The following SYK variants were observed in gnomAD, a reference collection of about 807,000 sequenced individuals.
The protein encoded by SYK is tyrosine-protein kinase SYK.
In SYK, 16 loss-of-function variants were observed where a neutral mutation model predicts 77.8. The observed-to-expected ratio is 0.21, with a 90% CI of 0.14 to 0.31. The LOEUF (loss-of-function observed/expected upper bound fraction) is 0.31, where lower values mean the gene tolerates loss of function less well. Ranked by LOEUF, SYK falls within the 10% of genes least tolerant of loss-of-function variation. The pLI is 1.00. For synonymous variants in SYK, 312 were observed against 308.7 expected, an observed-to-expected ratio of 1.01 and a Z score of -0.11; for missense variants, 529 against 814.4, an observed-to-expected ratio of 0.65 and a Z score of 4.26.
intron 1 of SYK, among the ~76,000 whole-genome samples, chr9:90,841,335 A>T (rs1826315564): frequency 1.1e-5 from 1 of 91,860 alleles, no homozygotes; most frequent in African/African-American, 3.8e-5. Flanking sequence ...TGTTGTGTGT[A>T]CTGTGTATGT....
intron 1 of SYK, among the ~76,000 whole-genome samples, chr9:90,809,682 C>T (rs901076914): frequency 2.6e-5 from 4 of 152,216 alleles, no homozygotes; most frequent in African/African-American, 9.6e-5. Context: ...TTTATGCATG[C>T]CTTCCTTCCA....
intron 11 of SYK, among the ~76,000 whole-genome samples, chr9:90,882,979 G>A (rs1009930742): frequency 1.4e-4 from 22 of 152,258 alleles, no homozygotes; most frequent in Non-Finnish European, 2.5e-4. Flanking sequence ...AACATAGGGA[G>A]CTGCCTAGGG....
chr9:90,867,490 T>G (rs1212522587), intron 7 of SYK, among the ~76,000 whole-genome samples: 1 of 152,228 alleles, frequency 6.6e-6, no homozygotes, highest in East Asian at 1.9e-4. Flanking sequence ...TCATCCGTCA[T>G]AGCTAATTAT....
chr9:90,839,855 C>T (rs193073203), intron 1 of SYK, among the ~76,000 whole-genome samples: 186 of 152,204 alleles, frequency 1.2e-3, no homozygotes, highest in African/African-American at 4.2e-3. Flanking sequence ...GAGCTGCACG[C>T]CTCAGCAGAA....
At position 90,803,215 on chromosome 9, in the gene SYK, G is replaced by T. The variant is rs77518660; in HGVS notation, c.-42+1322G>T. Among the ~76,000 whole-genome samples the T allele has an allele frequency of 9.7e-3, 1,484 of 152,244 alleles. 27 individuals are homozygous for T. The highest frequency in any genetic ancestry group is 0.033 in the African/African-American group (1,384 of 41,560). On this transcript the variant is annotated intron_variant, in intron 1 of 13. Coordinates refer to ENST00000375754, the MANE Select transcript of SYK (RefSeq NM_003177.7). Reference sequence around the variant, plus strand: ...AAACTCTTGCATTAAAACAGAAATTGATTTGTATTATCCCCTGTATTTGAA... The same window carrying T: ...AAACTCTTGCATTAAAACAGAAATTTATTTGTATTATCCCCTGTATTTGAA...
rs1827310245 is a variant in SYK at position 90,862,421 on chromosome 9, A to G, written c.717+77A>G. 6 of 1,508,604 alleles carry G rather than the reference A, an allele frequency of 4.0e-6. No homozygotes were observed. The East Asian group carries it at 1.4e-4, about 36-fold the overall frequency. 93.5% of individuals were successfully genotyped at this position (1,508,604 alleles called of 1,614,324 possible). A position where few individuals can be genotyped will look rare whatever the true frequency, so the allele number is the denominator to read the frequency against. ...CTCCTTGTCCCATGGACTCTTAGAC[A>G]TGAGAGGAACTGGACCACCCACTGC... On this transcript the variant is annotated intron_variant, in intron 4 of 13. Coordinates refer to ENST00000375754, the MANE Select transcript of SYK (RefSeq NM_003177.7).
At position 90,865,794 on chromosome 9, in the gene SYK, A is replaced by G. The variant is rs1827461927; in HGVS notation, c.846+697A>G. 2.0e-5 allele frequency among the ~76,000 whole-genome samples: 3 copies of G among 151,712 alleles called. No individual in the cohort carries two copies. The South Asian group carries it at 6.2e-4, about 32-fold the overall frequency. ...TAACACACGTAATTCACAGGACCTC[A>G]GCTGTCTCCTCCCTCCAGCCTGTTA... On this transcript the variant is annotated intron_variant, in intron 6 of 13. Transcript: ENST00000375754.
chr9:90,859,790 C>T (rs775833576), intron 3 of SYK, among the ~76,000 whole-genome samples: 7 of 152,188 alleles, frequency 4.6e-5, no homozygotes, highest in Admixed American at 3.9e-4. Context: ...GTCTGAAGAG[C>T]GTGGAATGGT....
At chr9:90,853,562 TC>T (rs1423506193) in intron 3 of SYK, among the ~76,000 whole-genome samples, 1 of 152,100 alleles carries the variant, frequency 6.6e-6, no homozygotes, top group Non-Finnish European at 1.5e-5. Context: ...TGAGTTCATG[TC>T]CTTTGTAGGG....
chr9:90,808,735 GT>G (rs1824948462), intron 1 of SYK, among the ~76,000 whole-genome samples: 1 of 152,098 alleles, frequency 6.6e-6, no homozygotes, highest in East Asian at 1.9e-4. Flanking sequence ...CTCTTCCCTT[GT>G]CCTCCCGCTC....
intron 3 of SYK, among the ~76,000 whole-genome samples, chr9:90,861,967 G>A (rs1276152816): frequency 6.6e-6 from 1 of 152,162 alleles, no homozygotes; most frequent in African/African-American, 2.4e-5. Context: ...TCACCAACCT[G>A]CTAGCATTTC....
chr9:90,809,504 G>C lies in SYK; in HGVS notation c.-42+7611G>C, dbSNP rs541883108. 4.6e-5 allele frequency among the ~76,000 whole-genome samples: 7 copies of C among 152,310 alleles called. No individual in the cohort carries two copies. The East Asian group carries it at 1.2e-3, about 25-fold the overall frequency. On this transcript the variant is annotated intron_variant, in intron 1 of 13. Coordinates refer to ENST00000375754, the MANE Select transcript of SYK (RefSeq NM_003177.7). The stretch of plus-strand genomic sequence containing the variant: ...GCTCAGGAAAGCCTGGAGAGGCAGA[G>C]GGAGGACACAGGCTCAGTGTCAGAC...
At chr9:90,893,404 T>C (rs1200626163) in intron 13 of SYK, among the ~76,000 whole-genome samples, 4 of 152,110 alleles carry the variant, frequency 2.6e-5, no homozygotes, top group African/African-American at 9.7e-5. Context: ...TTTTGCTTTG[T>C]TTTTTCATTT....
At chr9:90,825,004 G>A (rs534640262) in intron 1 of SYK, among the ~76,000 whole-genome samples, 2 of 151,822 alleles carry the variant, frequency 1.3e-5, no homozygotes, top group South Asian at 4.2e-4. Context: ...ACCAATAAGT[G>A]AGTCTACAGG....
intron 1 of SYK, among the ~76,000 whole-genome samples, chr9:90,828,228 C>T (rs1825728685): frequency 2.5e-5 from 1 of 39,638 alleles, no homozygotes; most frequent in African/African-American, 9.8e-5. Flanking sequence ...GCTGTGGCCT[C>T]ACCCCCGCCC....
chr9:90,877,483 C>T, intron 9 of SYK, 88 bp from the exon 10 acceptor site: 1 of 1,447,540 alleles, frequency 6.9e-7, no homozygotes, highest in Non-Finnish European at 9.5e-7. Context: ...GGGACTGTTT[C>T]CACAGGGGGA....
chr9:90,884,145 G>A (rs1321675299), intron 11 of SYK, among the ~76,000 whole-genome samples: 1 of 41,780 alleles, frequency 2.4e-5, no homozygotes. Context: ...ATATATATAT[G>A]TGTGTGTGTA....
At chr9:90,855,088 G>T (rs746163952) in intron 3 of SYK, among the ~76,000 whole-genome samples, 1 of 151,534 alleles carries the variant, frequency 6.6e-6, no homozygotes, top group African/African-American at 2.4e-5. Context: ...TGCACAACCT[G>T]TGGGGCCCAA....
chr9:90,879,698 G>T (rs1391076753), intron 11 of SYK, among the ~76,000 whole-genome samples: 3 of 152,240 alleles, frequency 2.0e-5, no homozygotes, highest in Non-Finnish European at 4.4e-5. Context: ...GATCTAGATA[G>T]TTATGTGACT....
Sources: allele counts gnomAD v4.1 joint callset (sites outside exome capture counted in the v4.1 genomes callset), GRCh38; gene constraint gnomAD v4.1.1; transcripts MANE v1.5; gene names NCBI Gene and HGNC (gene_info 2026-07-23, HGNC 2026-07-21).